Variants in TTC28 observed in about 807,000 individuals in gnomAD.
TTC28 encodes the protein tetratricopeptide repeat domain 28.
Under a neutral mutation model 198.0 loss-of-function variants are expected in TTC28, and 61 were observed. The ratio of observed to expected loss-of-function variants is 0.31; its 90% CI spans 0.25 to 0.38. The LOEUF is 0.38. TTC28 is among the 10% of genes least tolerant of loss of function. The probability of loss-of-function intolerance (pLI) is 1.00; values close to 1 mark genes in which losing one functional copy is unlikely to be tolerated. For synonymous variants in TTC28, 1,171 were observed against 1,297.8 expected (o/e 0.90, Z 2.10); for missense variants, 2,678 against 3,164.0 (o/e 0.85, Z 3.69).
chr22:28,396,749 G>C (rs1255940247), intron 2 of TTC28, among the ~76,000 whole-genome samples: 1 of 152,132 alleles, frequency 6.6e-6, no homozygotes, highest in Non-Finnish European at 1.5e-5. Flanking sequence ...CTCCAATAGA[G>C]ACACTATAAT....
chr22:28,352,312 CATATATATATATAT>C (rs35793503), intron 2 of TTC28, among the ~76,000 whole-genome samples: 2 of 142,740 alleles, frequency 1.4e-5, no homozygotes, highest in African/African-American at 5.3e-5. Flanking sequence ...GAGATATATA[CATATATATATATAT>C]ATATATATAT....
At chr22:28,153,113 T>C (rs1162829081) in intron 6 of TTC28, among the ~76,000 whole-genome samples, 1 of 152,056 alleles carries the variant, frequency 6.6e-6, no homozygotes, top group Non-Finnish European at 1.5e-5. Flanking sequence ...CTGATTCAGA[T>C]TACCAGATTT....
chr22:28,474,846 A>G (rs2048140240), intron 2 of TTC28, among the ~76,000 whole-genome samples: 1 of 152,192 alleles, frequency 6.6e-6, no homozygotes, highest in Non-Finnish European at 1.5e-5. Context: ...TTTCTGGAAA[A>G]TATCTAATAT....
chr22:28,169,492 T>A (rs1334455020), intron 5 of TTC28, among the ~76,000 whole-genome samples: 1 of 151,946 alleles, frequency 6.6e-6, no homozygotes, highest in Non-Finnish European at 1.5e-5. Flanking sequence ...TATGCAGCCA[T>A]AAAAAAGGAT....
chr22:28,483,203 T>C (rs2048276363), intron 2 of TTC28, among the ~76,000 whole-genome samples: 1 of 152,158 alleles, frequency 6.6e-6, no homozygotes, highest in African/African-American at 2.4e-5. Context: ...CTCATGAAGT[T>C]TACATTCTAA....
intron 5 of TTC28, among the ~76,000 whole-genome samples, chr22:28,252,448 A>G (rs1186603443): frequency 6.6e-6 from 1 of 152,226 alleles, no homozygotes; most frequent in Non-Finnish European, 1.5e-5. Flanking sequence ...AGCTGTAACT[A>G]CCATGATTAA....
intron 5 of TTC28, among the ~76,000 whole-genome samples, chr22:28,210,266 A>C (rs1362991399): frequency 6.6e-6 from 1 of 152,210 alleles, no homozygotes; most frequent in African/African-American, 2.4e-5. Flanking sequence ...CTCGCCAGCA[A>C]TGGAACACAG....
At chr22:28,620,723 GT>G (rs1489306906) in intron 2 of TTC28, among the ~76,000 whole-genome samples, 2 of 152,156 alleles carry the variant, frequency 1.3e-5, no homozygotes, top group African/African-American at 2.4e-5. Context: ...TGCTCAGGGC[GT>G]TGTGCCTGCT....
At chr22:28,227,955 T>C (rs762182201) in intron 5 of TTC28, among the ~76,000 whole-genome samples, 6 of 151,972 alleles carry the variant, frequency 3.9e-5, no homozygotes, top group South Asian at 2.1e-4. Context: ...AGCCCAAAGG[T>C]GAAAGCAACC....
At chr22:28,606,494 G>A (rs1055580272) in intron 2 of TTC28, among the ~76,000 whole-genome samples, 1 of 152,090 alleles carries the variant, frequency 6.6e-6, no homozygotes, top group Non-Finnish European at 1.5e-5. Flanking sequence ...CAGATATATT[G>A]TAAAAGGTCT....
intron 2 of TTC28, among the ~76,000 whole-genome samples, chr22:28,321,735 T>G (rs1168005439): frequency 6.6e-6 from 1 of 152,172 alleles, no homozygotes; most frequent in Non-Finnish European, 1.5e-5. Context: ...AATACCTACA[T>G]ATATGCAGCA....
intron 1 of TTC28, among the ~76,000 whole-genome samples, chr22:28,676,743 G>T (rs1393094846): frequency 6.6e-6 from 1 of 151,028 alleles, no homozygotes; most frequent in Non-Finnish European, 1.5e-5. Context: ...AAAAAGCCAG[G>T]TGTGGTGGCT....
rs569601580 is a variant in TTC28, at chr22:28,613,321, A to G, written c.381+16231T>C. Among the ~76,000 whole-genome samples, 3 of 152,292 alleles carry G rather than the reference A, an allele frequency of 2.0e-5. No individual in the cohort carries two copies. The East Asian group carries it at 5.8e-4, about 29-fold the overall frequency. ...GGCAGTAATTAATAGCCTACCAACC[A>G]AAAAAAGTCCAGGACCAGATGGATT... On this transcript the variant is annotated intron_variant, in intron 2 of 22. Transcript: ENST00000397906.
chr22:28,249,329 GA>G (rs953818861), intron 5 of TTC28, among the ~76,000 whole-genome samples: 2 of 151,716 alleles, frequency 1.3e-5, no homozygotes, highest in East Asian at 1.9e-4. Context: ...TGGCACGCAG[GA>G]AAAAAAATGC....
chr22:28,240,491 C>G (rs1281718107), intron 5 of TTC28, among the ~76,000 whole-genome samples: 1 of 152,036 alleles, frequency 6.6e-6, no homozygotes, highest in African/African-American at 2.4e-5. Context: ...AAACATGTAT[C>G]TATAGGTATA....
chr22:28,211,267 A>C (rs1363838907), intron 5 of TTC28, among the ~76,000 whole-genome samples: 1 of 152,176 alleles, frequency 6.6e-6, no homozygotes, highest in Non-Finnish European at 1.5e-5. Flanking sequence ...GACAGGATCA[A>C]ATTCACACAT....
At chr22:28,387,240 T>A (rs1399355457) in intron 2 of TTC28, among the ~76,000 whole-genome samples, 3 of 152,238 alleles carry the variant, frequency 2.0e-5, no homozygotes, top group African/African-American at 7.2e-5. Context: ...ATCCAGTCTA[T>A]CATCGTTGGA....
chr22:28,310,997 A>G (rs1026897482), intron 2 of TTC28, among the ~76,000 whole-genome samples: 2 of 151,938 alleles, frequency 1.3e-5, no homozygotes, highest in African/African-American at 2.4e-5. Flanking sequence ...CCAGGCTGGT[A>G]TCAAACTCCT....
chr22:28,610,436 C>T (rs1416038005), intron 2 of TTC28, among the ~76,000 whole-genome samples: 1 of 152,160 alleles, frequency 6.6e-6, no homozygotes, highest in African/African-American at 2.4e-5. Context: ...GCTGGTGATA[C>T]TCAGGCAAAC....
Sources: allele counts gnomAD v4.1 joint callset (sites outside exome capture counted in the v4.1 genomes callset), GRCh38; gene constraint gnomAD v4.1.1; transcripts MANE v1.5; gene names NCBI Gene and HGNC (gene_info 2026-07-23, HGNC 2026-07-21).